The following KYAT1 variants were observed in gnomAD, a reference collection of about 807,000 sequenced individuals.
The protein encoded by KYAT1 is kynurenine--oxoglutarate transaminase 1.
A neutral mutation model predicts 52.4 loss-of-function variants in KYAT1; 47 were observed. The ratio of observed to expected loss-of-function variants is 0.90; its 90% confidence interval spans 0.71 to 1.14. The LOEUF is 1.14. Among genes scored for constraint, KYAT1 ranks in the 50% most tolerant of loss-of-function variants. The probability of loss-of-function intolerance (pLI) is 0.00; values close to 1 mark genes in which losing one functional copy is unlikely to be tolerated. For missense variants in KYAT1, 480 were observed against 557.9 expected (o/e 0.86, Z 1.41); for synonymous variants, 212 against 209.6 (o/e 1.01, Z -0.10).
intron 1 of KYAT1, among the ~76,000 whole-genome samples, chr9:128,857,928 G>C (rs1834891921): frequency 6.6e-6 from 1 of 152,032 alleles, no homozygotes; most frequent in Non-Finnish European, 1.5e-5. Context: ...TGTGACCTTG[G>C]GGTTCTAGAC....
intron 1 of KYAT1, among the ~76,000 whole-genome samples, chr9:128,870,326 T>A (rs1837056468): frequency 6.6e-6 from 1 of 152,186 alleles, no homozygotes; most frequent in South Asian, 2.1e-4. Context: ...TGCTGACACA[T>A]GCTGTAACTT....
chr9:128,842,492 G>A (rs912977398), intron 3 of KYAT1, among the ~76,000 whole-genome samples, 162 bp downstream of exon 3: 7 of 152,172 alleles, frequency 4.6e-5, no homozygotes, highest in African/African-American at 1.2e-4. Flanking sequence ...ACCACGAGGC[G>A]AAGGCTCTGG....
intron 1 of KYAT1, among the ~76,000 whole-genome samples, chr9:128,859,702 G>A (rs1349225468): frequency 4.0e-5 from 6 of 151,018 alleles, no homozygotes; most frequent in African/African-American, 7.3e-5. Context: ...AGGCTGGAGC[G>A]CAGTGGCGCG....
chr9:128,880,160 A>C (rs1280191628), intron 1 of KYAT1, among the ~76,000 whole-genome samples: 1 of 152,216 alleles, frequency 6.6e-6, no homozygotes, highest in Admixed American at 6.5e-5. Context: ...AGGCGGGGAC[A>C]TGGAGGCCCA....
intron 1 of KYAT1, among the ~76,000 whole-genome samples, chr9:128,861,846 T>C (rs1045347757): frequency 6.6e-6 from 1 of 152,178 alleles, no homozygotes; most frequent in African/African-American, 2.4e-5. Flanking sequence ...GAAGACCAAC[T>C]ATCTGCTGGC....
chr9:128,865,323 A>G (rs1564491270), intron 1 of KYAT1, among the ~76,000 whole-genome samples: 2 of 892 alleles, frequency 2.2e-3, no homozygotes, highest in Non-Finnish European at 7.2e-3. Flanking sequence ...ATATATATAT[A>G]TATATATATA....
Position 128,835,944 on chromosome 9 carries a change from C to T in KYAT1, c.765+53G>A, listed in dbSNP as rs1564447177. ...GCCTTCTTCATTCTCAGGCCCACCT[C>T]ACTTGCCAAGGATCTTGCAGGGGGT... On this transcript the variant is annotated intron_variant, in intron 8 of 12. Transcript: ENST00000302586. 4 of 1,601,608 alleles carry T rather than the reference C, an allele frequency of 2.5e-6. No individual in the cohort carries two copies. The South Asian group carries it at 3.3e-5, about 13-fold the overall frequency.
intron 1 of KYAT1, among the ~76,000 whole-genome samples, chr9:128,849,885 T>TC (rs200060803): frequency 0.33 from 43,859 of 133,476 alleles, 9,238 homozygotes; most frequent in African/African-American, 0.57. Context: ...ATTTTCTTCT[T>TC]TTTTTTTTTT....
chr9:128,856,321 T>G (rs1013304865), intron 1 of KYAT1, among the ~76,000 whole-genome samples: 24 of 152,206 alleles, frequency 1.6e-4, no homozygotes, highest in Admixed American at 1.3e-4. Flanking sequence ...ATTGCAAATT[T>G]TGTATTAATC....
chr9:128,881,726 G>T (rs1163331266), intron 1 of KYAT1, among the ~76,000 whole-genome samples, 171 bp downstream of exon 1: 1 of 152,166 alleles, frequency 6.6e-6, no homozygotes, highest in Non-Finnish European at 1.5e-5. Context: ...CGAGCAGCAC[G>T]CGCAGTTGAT....
Position 128,857,197 on chromosome 9 carries a change from C to A in KYAT1, c.-6-11786G>T, listed in dbSNP as rs1834763519. ...ATTATGACATAGATTCTTTTGCTCA[C>A]ATGTTTTTTTGCTGACCTTCTCCTT... On this transcript the variant is annotated intron_variant, in intron 1 of 12. Coordinates refer to ENST00000302586, the MANE Select transcript of KYAT1 (RefSeq NM_004059.5). Among the ~76,000 whole-genome samples the A allele has an allele frequency of 2.6e-5, 4 of 152,210 alleles. No individual in the cohort carries two copies. The South Asian group carries it at 8.3e-4, about 32-fold the overall frequency.
At chr9:128,865,308 CATATATATATAT>C (rs869044608) in intron 1 of KYAT1, among the ~76,000 whole-genome samples, 63 of 36,918 alleles carry the variant, frequency 1.7e-3, no homozygotes, top group South Asian at 2.3e-3. Flanking sequence ...GCAGAGCCTA[CATATATATATAT>C]ATATATATAT....
intron 3 of KYAT1, among the ~76,000 whole-genome samples, chr9:128,842,352 C>T (rs1832344690): frequency 1.3e-5 from 2 of 152,208 alleles, no homozygotes; most frequent in South Asian, 4.1e-4. Context: ...AGGAAGTCTT[C>T]GTGCATCTCT....
chr9:128,869,156 A>G (rs546583584), intron 1 of KYAT1, among the ~76,000 whole-genome samples: 2 of 147,980 alleles, frequency 1.4e-5, no homozygotes, highest in East Asian at 4.1e-4. Context: ...ATTTTTGACA[A>G]GGGCACCAAG....
At chr9:128,871,014 A>ATTT (rs1191436643) in intron 1 of KYAT1, among the ~76,000 whole-genome samples, 2 of 151,990 alleles carry the variant, frequency 1.3e-5, no homozygotes, top group East Asian at 3.9e-4. Context: ...ACCCATTTAC[A>ATTT]TTTTTTAAAT....
At chr9:128,851,874 G>C (rs1259104691) in intron 1 of KYAT1, among the ~76,000 whole-genome samples, 4 of 152,166 alleles carry the variant, frequency 2.6e-5, no homozygotes, top group Admixed American at 1.3e-4. Flanking sequence ...AAAAAGTCCA[G>C]AATCATTGGG....
intron 1 of KYAT1, among the ~76,000 whole-genome samples, chr9:128,852,504 G>C (rs1834082015): frequency 6.6e-6 from 1 of 152,190 alleles, no homozygotes. Flanking sequence ...TTTTCAGATT[G>C]TTATGTCATT....
chr9:128,834,764 G>A (rs1830698789), intron 11 of KYAT1, among the ~76,000 whole-genome samples: 1 of 150,330 alleles, frequency 6.7e-6, no homozygotes, highest in South Asian at 2.1e-4. Context: ...CCCTGGAGGT[G>A]GAGGTTGCAG....
chr9:128,867,474 C>T (rs1836565639), intron 1 of KYAT1, among the ~76,000 whole-genome samples: 2 of 152,060 alleles, frequency 1.3e-5, no homozygotes, highest in South Asian at 4.2e-4. Context: ...CCAGTGCACC[C>T]AGCCCTAAAA....
Sources: allele counts gnomAD v4.1 joint callset (sites outside exome capture counted in the v4.1 genomes callset), GRCh38; gene constraint gnomAD v4.1.1; transcripts MANE v1.5; gene names NCBI Gene and HGNC (gene_info 2026-07-23, HGNC 2026-07-21).